PIEZO1: variants seen among roughly 807,000 people sequenced by gnomAD.
The protein encoded by PIEZO1 is piezo type mechanosensitive ion channel component 1 (Er blood group), also known as piezo-type mechanosensitive ion channel component 1.
In PIEZO1, 296 loss-of-function variants were observed where a neutral mutation model predicts 297.2. The ratio of observed to expected loss-of-function variants is 1.00; its 90% CI spans 0.91 to 1.10. The LOEUF (loss-of-function observed/expected upper bound fraction) is 1.10. PIEZO1 is among the 50% of genes least tolerant of loss of function. PIEZO1 has a pLI of 0.00. For synonymous variants in PIEZO1, 2,427 were observed against 1,507.5 expected (o/e 1.61, Z -14.13); for missense variants, 5,018 against 3,455.5 (o/e 1.45, Z -11.34).
Position 88,721,862 on chromosome 16 carries a change from C to T in PIEZO1, c.5160G>A (p.Leu1720=). ...AGCGCTTGCTGGGCCTCGGGATCGA[C>T]AGCATGGCCCACAGGAAGACGAGCA... The part of the protein sequence containing the change: ...LPVLVFLWAM[L]SIPRPSKRFW... Residue 1720 remains leucine, a synonymous_variant, in exon 37 of 51, where the codon CTG becomes CTA. Transcript: ENST00000301015. The T allele has an allele frequency of 1.9e-6, 3 of 1,549,932 alleles. No individual in the cohort carries two copies. The highest frequency in any genetic ancestry group is 2.6e-6 in the Non-Finnish European group (3 of 1,146,762).
chr16:88,770,238 C>G (rs1266181626), intron 1 of PIEZO1, among the ~76,000 whole-genome samples: 1 of 152,226 alleles, frequency 6.6e-6, no homozygotes, highest in Non-Finnish European at 1.5e-5. Flanking sequence ...GGACGCCTGG[C>G]AGGCGGCTCC....
In PIEZO1 at chr16:88,761,868, C is replaced by T. The variant is rs184677247; in HGVS notation, c.65-12389G>A. On this transcript the variant is annotated intron_variant, in intron 1 of 50. Transcript: ENST00000301015. Reference sequence around the variant, plus strand: ...TGGGCTCCCCTGCAGGGTCAGGGATCTGGGACTCATCCCTCAGCAACAGAG... The same window carrying T: ...TGGGCTCCCCTGCAGGGTCAGGGATTTGGGACTCATCCCTCAGCAACAGAG... Among the ~76,000 whole-genome samples the T allele has an allele frequency of 4.3e-3, 651 of 152,232 alleles. 16 individuals are homozygous for T. Among genetic ancestry groups the T allele is most frequent in the Non-Finnish European group, 1.0e-3 (70 of 68,008 alleles).
chr16:88,733,198 G>A, intron 19 of PIEZO1, 80 bp downstream of exon 19: 1 of 1,329,270 alleles, frequency 7.5e-7, no homozygotes, highest in Non-Finnish European at 1.0e-6. Flanking sequence ...CTGCACTGAG[G>A]CAGCTGCCCC....
chr16:88,749,583 GTGCCCTGTGAGTGC>G (rs1906278697), intron 1 of PIEZO1, 104 bp from the exon 2 acceptor site: 1 of 877,568 alleles, frequency 1.1e-6, no homozygotes, highest in South Asian at 1.6e-5. Context: ...CCGAGGCCGT[GTGCCCTGTGAGTGC>G]TGCCCTGAGC....
rs1346439922 is a variant in PIEZO1 at position 88,731,731 on chromosome 16, C to G, written c.3171G>C (p.Leu1057=). Residue 1057 remains leucine (L), a synonymous_variant, in exon 22 of 51, where the codon CTG becomes CTC. Transcript: ENST00000301015. ...CAATGCACAGGGCCGGGGGCATCCC[C>G]AGGCACAGCAGGTACTGGTACAGCA... is the stretch of plus-strand genomic sequence containing the variant. ...LFLLYQYLLC[L]GMPPALCIDY... is the part of the protein sequence containing the mutation. 12 of 1,549,796 alleles carry G rather than the reference C, an allele frequency of 7.7e-6. No homozygotes were observed. The highest frequency in any genetic ancestry group is 1.0e-5 in the Non-Finnish European group (12 of 1,146,826).
Position 88,723,131 on chromosome 16 carries a change from C to G in PIEZO1, c.4459G>C (p.Val1487Leu). ...LPTGGGPSQE[V>L]EPAEGPEEAA... ...TCCTCGGGGCCCTCTGCTGGCTCCA[C>G]CTCCTGGCTGGGACCACCTCCTGGG... The change falls in exon 33 of 51, where the codon GTG becomes CTG. Residue 1487 changes from valine (V) to leucine (L), a missense_variant. Physicochemically the swap from Val to Leu is conservative, Grantham distance 32 (BLOSUM62 1). Transcript: ENST00000301015. 7 of 1,549,102 alleles carry G rather than the reference C, an allele frequency of 4.5e-6. No individual in the cohort carries two copies. Among genetic ancestry groups the G allele is most frequent in the Non-Finnish European group, 6.1e-6 (7 of 1,146,824 alleles).
Position 88,738,232 on chromosome 16 carries a change from C to G in PIEZO1, c.843G>C (p.Trp281Cys), listed in dbSNP as rs1567676151. The G allele has an allele frequency of 6.5e-7, 1 of 1,535,792 alleles. No homozygotes were observed. The highest frequency in any genetic ancestry group is 8.7e-7 in the Non-Finnish European group (1 of 1,146,792). ...AQALLPPAGI[W>C]ARVLGLKDFV... ...GCTGTGTGGCAAGCCGTTACCTAGC[C>G]CAGATGCCGGCAGGCGGGAGCAGAG... Residue 281 changes from tryptophan to cysteine, a missense_variant, in exon 7 of 51, where the codon TGG becomes TGC. Trp to Cys is a radical substitution (Grantham distance 215). Transcript: ENST00000301015.
In PIEZO1 at chr16:88,721,692, C is replaced by G. The variant is rs1333711262; in HGVS notation, c.5249G>C (p.Gly1750Ala). Reference protein sequence around the residue: ...AVVVKYLFQFGFFPWNSHVVL... With the variant: ...AVVVKYLFQFAFFPWNSHVVL... ...CACGTGGCTGTTCCAGGGGAAGAAC[C>G]CAAACTGGAACAGGTACTTGACGAC... Residue 1750 changes from glycine to alanine, a missense_variant, in exon 38 of 51, where the codon GGG becomes GCG. By Grantham distance (60) the Gly-to-Ala change is moderately conservative (BLOSUM62 0). Transcript: ENST00000301015. 16 of 1,549,052 alleles carry G rather than the reference C, an allele frequency of 1.0e-5. No homozygotes were observed. The Admixed American group carries it at 3.1e-4, about 30-fold the overall frequency.
rs1191976425 is a variant in PIEZO1 at position 88,734,450 on chromosome 16, G to A, written c.2086C>T (p.Leu696=). The change falls in exon 16 of 51, where the codon CTG becomes TTG. Residue 696 remains leucine, a synonymous_variant. Transcript: ENST00000301015. The part of the protein sequence containing the change: ...VPGFFLLACI[L]QLHYFHRPFM... ...GGCCTGTGGAAGTAGTGCAGCTGCA[G>A]GATGCAGGCCAGGAGGAAGAAGCCG... The A allele has an allele frequency of 1.3e-6, 2 of 1,550,062 alleles. No individual in the cohort carries two copies. The highest frequency in any genetic ancestry group is 2.4e-5 in the East Asian group (1 of 40,918).
At chr16:88,771,091 C>T (rs770194278) in intron 1 of PIEZO1, among the ~76,000 whole-genome samples, 1 of 152,164 alleles carries the variant, frequency 6.6e-6, no homozygotes, top group Non-Finnish European at 1.5e-5. Context: ...GTCTCAGTCC[C>T]GGAGAGCCAG....
intron 1 of PIEZO1, among the ~76,000 whole-genome samples, chr16:88,767,523 T>G (rs921120036): frequency 6.6e-6 from 1 of 151,982 alleles, no homozygotes; most frequent in African/African-American, 2.4e-5. Context: ...GCCGCCAGCT[T>G]CCCTACAAAC....
In PIEZO1 at chr16:88,764,341, C is replaced by T. The variant is rs186273938; in HGVS notation, c.65-14862G>A. On this transcript the variant is annotated intron_variant, in intron 1 of 50. Transcript: ENST00000301015. Reference sequence around the variant, plus strand: ...GAGCTGAAGTCCACACCACCAGCGTCGCTGGATCCTGAGCAGGTAGATTCT... The same window carrying T: ...GAGCTGAAGTCCACACCACCAGCGTTGCTGGATCCTGAGCAGGTAGATTCT... Among the ~76,000 whole-genome samples the T allele has an allele frequency of 2.1e-3, 325 of 152,272 alleles. 1 individual carries two copies. Among genetic ancestry groups the T allele is most frequent in the African/African-American group, 7.7e-3 (318 of 41,546 alleles).
At chr16:88,733,800 G>A in intron 17 of PIEZO1, 55 bp from the exon 18 acceptor site, 16 of 1,478,292 alleles carry the variant, frequency 1.1e-5, no homozygotes, top group Non-Finnish European at 1.4e-5. Context: ...CGGGTCCCCT[G>A]TGAGGAAGAG....
chr16:88,738,368 C>A lies in PIEZO1; in HGVS notation c.707G>T (p.Cys236Phe). The change falls in exon 7 of 51, where the codon TGC becomes TTC. Residue 236 changes from cysteine to phenylalanine, a missense_variant. By Grantham distance (205) the Cys-to-Phe change is radical. Transcript: ENST00000301015. ...GCCCCGAGTGCTGATGGGAAAGTGG[C>A]AGGCCCACCAGGTGCAGAGGGCCAG... ...LFLALCTWWA[C>F]HFPISTRGFS... is the part of the protein sequence containing the mutation. 5 of 1,535,886 alleles carry A rather than the reference C, an allele frequency of 3.3e-6. No homozygotes were observed. Among genetic ancestry groups the A allele is most frequent in the Non-Finnish European group, 4.4e-6 (5 of 1,146,866 alleles).
chr16:88,746,803 A>G (rs1906082359), intron 2 of PIEZO1, among the ~76,000 whole-genome samples: 1 of 152,188 alleles, frequency 6.6e-6, no homozygotes, highest in Non-Finnish European at 1.5e-5. Context: ...CCCACTGCTG[A>G]TTAAAGGAAA....
intron 1 of PIEZO1, among the ~76,000 whole-genome samples, chr16:88,776,757 C>T (rs1364536871): frequency 1.3e-5 from 2 of 152,176 alleles, no homozygotes; most frequent in African/African-American, 2.4e-5. Flanking sequence ...GACCCTGGCT[C>T]GGGGCGGGCC....
At chr16:88,742,516 G>C (rs960881400) in intron 2 of PIEZO1, 94 bp from the exon 3 acceptor site, 1 of 1,329,914 alleles carries the variant, frequency 7.5e-7, no homozygotes, top group Non-Finnish European at 1.0e-6. Context: ...AGCCCGGCCA[G>C]AGCCCAGAGG....
At position 88,736,159 on chromosome 16, in the gene PIEZO1, G is replaced by C; in HGVS notation, c.1546C>G (p.Leu516Val). The change falls in exon 12 of 51, where the codon CTT (leucine) becomes GTT (valine). Residue 516 changes from leucine (L) to valine (V), a missense_variant. Leu to Val is a conservative substitution (Grantham distance 32, BLOSUM62 1). Coordinates refer to ENST00000301015, the MANE Select transcript of PIEZO1 (RefSeq NM_001142864.4). ...TGGTGCACACTCACCATGGCACCAAGGTCCAGACAGGGGTAGCGGGTGTGC... is the reference window on the plus strand; with the variant it reads ...TGGTGCACACTCACCATGGCACCAACGTCCAGACAGGGGTAGCGGGTGTGC... Reference protein sequence around the residue: ...LEHTRYPCLDLGAMLLYTLTF... With the variant: ...LEHTRYPCLDVGAMLLYTLTF... 4 of 1,546,044 alleles carry C rather than the reference G, an allele frequency of 2.6e-6. No homozygotes were observed. Among genetic ancestry groups the C allele is most frequent in the Non-Finnish European group, 3.5e-6 (4 of 1,144,690 alleles).
chr16:88,733,876 TG>T (rs1340427142), intron 17 of PIEZO1, 29 bp downstream of exon 17: 1 of 1,472,976 alleles, frequency 6.8e-7, no homozygotes, highest in Non-Finnish European at 9.0e-7. Context: ...GCAGACTGGG[TG>T]GCAGCTGTGC....
Sources: allele counts gnomAD v4.1 joint callset (sites outside exome capture counted in the v4.1 genomes callset), GRCh38; gene constraint gnomAD v4.1.1; transcripts MANE v1.5; gene names NCBI Gene and HGNC (gene_info 2026-07-23, HGNC 2026-07-21).